The following TNIK variants were observed in gnomAD, a reference collection of about 807,000 sequenced individuals.
TNIK encodes TRAF2 and NCK interacting kinase.
A neutral mutation model predicts 191.3 loss-of-function variants in TNIK; 49 were observed. The ratio of observed to expected loss-of-function variants is 0.26; its 90% CI spans 0.20 to 0.32. The LOEUF is 0.32. TNIK is among the 10% of genes least tolerant of loss of function. The pLI is 1.00. For missense variants in TNIK, 1,155 were observed against 1,702.3 expected (o/e 0.68, Z 5.66); for synonymous variants, 594 against 600.9 (o/e 0.99, Z 0.17).
chr3:171,407,553 T>C (rs544010936), intron 1 of TNIK, among the ~76,000 whole-genome samples: 106 of 152,280 alleles, frequency 7.0e-4, no homozygotes, highest in Non-Finnish European at 1.3e-3. Flanking sequence ...CTGTTCTAAG[T>C]TGGCAGACAG....
chr3:171,410,610 T>C (rs1244823936), intron 1 of TNIK, among the ~76,000 whole-genome samples: 1 of 151,856 alleles, frequency 6.6e-6, no homozygotes, highest in African/African-American at 2.4e-5. Context: ...AAACCCCGTC[T>C]CTACTAAAAA....
chr3:171,402,053 C>T (rs1721019317), intron 1 of TNIK, among the ~76,000 whole-genome samples: 1 of 152,216 alleles, frequency 6.6e-6, no homozygotes, highest in Non-Finnish European at 1.5e-5. Flanking sequence ...ACAAGAAATG[C>T]TAATAATCAT....
At chr3:171,383,484 G>A (rs1328507536) in intron 1 of TNIK, among the ~76,000 whole-genome samples, 1 of 152,202 alleles carries the variant, frequency 6.6e-6, no homozygotes, top group African/African-American at 2.4e-5. Flanking sequence ...TGACTGGAAT[G>A]CTGGTTATTC....
At chr3:171,315,188 T>C (rs1754470667) in intron 2 of TNIK, among the ~76,000 whole-genome samples, 1 of 152,144 alleles carries the variant, frequency 6.6e-6, no homozygotes, top group East Asian at 1.9e-4. Flanking sequence ...ATTTAGTGAC[T>C]AGCTTATTTA....
chr3:171,319,697 C>T (rs1754986387), intron 2 of TNIK, among the ~76,000 whole-genome samples: 1 of 152,058 alleles, frequency 6.6e-6, no homozygotes, highest in Non-Finnish European at 1.5e-5. Flanking sequence ...TCCTTTATAG[C>T]CTTACGTTTC....
intron 2 of TNIK, among the ~76,000 whole-genome samples, chr3:171,260,614 C>T (rs1451538779): frequency 6.6e-6 from 1 of 152,162 alleles, no homozygotes; most frequent in East Asian, 1.9e-4. Flanking sequence ...AATTGACATG[C>T]TCTTGAGAAA....
chr3:171,232,353 C>A (rs920204798), intron 2 of TNIK, among the ~76,000 whole-genome samples: 8 of 150,102 alleles, frequency 5.3e-5, no homozygotes, highest in Non-Finnish European at 8.9e-5. Flanking sequence ...AAAAAAAAAA[C>A]CACATGTGCA....
chr3:171,216,690 T>C (rs1287701914), intron 3 of TNIK, among the ~76,000 whole-genome samples: 2 of 152,190 alleles, frequency 1.3e-5, no homozygotes, highest in Non-Finnish European at 2.9e-5. Context: ...TAAAATTAAA[T>C]GAGAATTAAA....
rs374001469 is a variant in TNIK at position 171,194,780 on chromosome 3, AGCTTTT to A, written c.307-151_307-146del. 1,397 of 643,080 alleles carry A rather than the reference AGCTTTT, an allele frequency of 2.2e-3. 7 individuals are homozygous for A. The African/African-American group carries it at 0.024, about 11-fold the overall frequency. The allele number at this position is 643,080 out of a possible 1,614,324, so 39.8% of individuals were successfully genotyped here. ...ATCATAAAACAATATATAAAACACA[AGCTTTT>A]ACCTTCATGTACTCCCAAAATGATA... On this transcript the variant is annotated intron_variant, in intron 4 of 32. Transcript: ENST00000436636.
chr3:171,378,784 A>G (rs1002192167), intron 1 of TNIK, among the ~76,000 whole-genome samples: 2 of 152,232 alleles, frequency 1.3e-5, no homozygotes, highest in African/African-American at 4.8e-5. Context: ...AGGCCCAGAC[A>G]GGCTCTATAT....
intron 2 of TNIK, among the ~76,000 whole-genome samples, chr3:171,260,255 C>T (rs1489280004): frequency 6.6e-6 from 1 of 152,054 alleles, no homozygotes; most frequent in Admixed American, 6.6e-5. Flanking sequence ...CTATAAATTC[C>T]CACTTGCTCA....
At chr3:171,213,311 G>A (rs886841641) in intron 3 of TNIK, among the ~76,000 whole-genome samples, 5 of 152,110 alleles carry the variant, frequency 3.3e-5, no homozygotes, top group African/African-American at 1.2e-4. Context: ...GGAGAAAAAC[G>A]ACCTGAGGGT....
intron 2 of TNIK, among the ~76,000 whole-genome samples, chr3:171,326,239 T>G: frequency 6.6e-6 from 1 of 152,326 alleles, no homozygotes; most frequent in East Asian, 1.9e-4. Context: ...TTAAATGTTT[T>G]TAAAATTTGT....
At chr3:171,093,435 A>G (rs1553805704) in intron 23 of TNIK, among the ~76,000 whole-genome samples, 1 of 152,194 alleles carries the variant, frequency 6.6e-6, no homozygotes, top group Non-Finnish European at 1.5e-5. Flanking sequence ...ACTATTGAGC[A>G]TTTTTTATAC....
intron 4 of TNIK, among the ~76,000 whole-genome samples, chr3:171,199,150 A>C (rs1739087868): frequency 6.6e-6 from 1 of 152,126 alleles, no homozygotes; most frequent in Non-Finnish European, 1.5e-5. Context: ...AAGGCTGCTA[A>C]ATTCTTTTCC....
At chr3:171,214,447 T>G (rs1421872286) in intron 3 of TNIK, among the ~76,000 whole-genome samples, 1 of 152,218 alleles carries the variant, frequency 6.6e-6, no homozygotes, top group East Asian at 1.9e-4. Context: ...GTGGCAGAAT[T>G]GCCACTGAAT....
chr3:171,216,886 T>A (rs756121074), intron 3 of TNIK, among the ~76,000 whole-genome samples: 36 of 152,016 alleles, frequency 2.4e-4, no homozygotes, highest in Non-Finnish European at 4.4e-4. Flanking sequence ...AGACCCAGAG[T>A]CATCCAACGA....
chr3:171,289,070 A>T (rs906376669), intron 2 of TNIK, among the ~76,000 whole-genome samples: 2 of 152,204 alleles, frequency 1.3e-5, no homozygotes, highest in Admixed American at 6.5e-5. Context: ...CACACTTCCG[A>T]GAGCAGCAGA....
intron 2 of TNIK, among the ~76,000 whole-genome samples, chr3:171,249,868 T>C (rs1746039166): frequency 6.6e-6 from 1 of 152,232 alleles, no homozygotes; most frequent in African/African-American, 2.4e-5. Flanking sequence ...TATCCTGGTT[T>C]CTTACTGAGC....
Sources: gnomAD v4.1 joint callset for allele counts (sites outside exome capture counted in the v4.1 genomes callset) on GRCh38, gnomAD v4.1.1 for gene constraint, MANE v1.5 for transcripts, NCBI Gene and HGNC (gene_info 2026-07-23, HGNC 2026-07-21) for gene names.